The following ZNF607 variants were observed in gnomAD, a reference collection of about 807,000 sequenced individuals.
The protein encoded by ZNF607 is zinc finger protein 607.
ZNF607 carries 5 observed loss-of-function variants against 12.8 expected under a neutral mutation model. The observed-to-expected ratio is 0.39, with a 90% CI of 0.20 to 0.82. The LOEUF (loss-of-function observed/expected upper bound fraction) is 0.82. ZNF607 is among the 40% of genes least tolerant of loss of function. ZNF607 has a pLI of 0.39. For missense variants in ZNF607, 851 were observed against 859.2 expected (o/e 0.99, Z 0.12); for synonymous variants, 287 against 276.2 (o/e 1.04, Z -0.39).
At chr19:37,702,360 AT>A (rs1456527631) in intron 4 of ZNF607, among the ~76,000 whole-genome samples, 1 of 151,670 alleles carries the variant, frequency 6.6e-6, no homozygotes, top group Non-Finnish European at 1.5e-5. Context: ...AAAAGATATG[AT>A]TGAAATTATA....
intron 4 of ZNF607, among the ~76,000 whole-genome samples, chr19:37,702,861 T>A (rs988280907): frequency 6.6e-6 from 1 of 152,188 alleles, no homozygotes; most frequent in Non-Finnish European, 1.5e-5. Flanking sequence ...ATGTATATTG[T>A]ATACTATAAT....
chr19:37,700,688 A>G (rs1204168740), intron 4 of ZNF607, among the ~76,000 whole-genome samples: 2 of 152,204 alleles, frequency 1.3e-5, no homozygotes, highest in Non-Finnish European at 2.9e-5. Flanking sequence ...AAAATAAGTA[A>G]AAGATCACTA....
At chr19:37,713,920 C>T (rs978960951) in intron 1 of ZNF607, among the ~76,000 whole-genome samples, 4 of 152,058 alleles carry the variant, frequency 2.6e-5, no homozygotes, top group African/African-American at 4.8e-5. Flanking sequence ...TATTATTCTC[C>T]GGACTATGGT....
At chr19:37,704,007 C>T (rs1352382265) in intron 4 of ZNF607, among the ~76,000 whole-genome samples, 2 of 151,838 alleles carry the variant, frequency 1.3e-5, no homozygotes, top group African/African-American at 2.4e-5. Context: ...TGGTGGTATG[C>T]ATCTGTAGTC....
intron 1 of ZNF607, among the ~76,000 whole-genome samples, chr19:37,715,793 TGTGA>T (rs2045171994): frequency 6.6e-6 from 1 of 152,190 alleles, no homozygotes; most frequent in African/African-American, 2.4e-5. Flanking sequence ...CAAACATTTA[TGTGA>T]GTATTTGTAA....
In ZNF607 at chr19:37,697,484, T is replaced by C. The variant is rs1024482998; in HGVS notation, c.*556A>G. 1.5e-6 allele frequency: 1 copy of C among 649,208 alleles called. No individual in the cohort carries two copies. Among genetic ancestry groups the C allele is most frequent in the Admixed American group, 2.1e-5 (1 of 46,938 alleles). The allele number at this position is 649,208 out of a possible 1,614,324, so 40.2% of individuals were successfully genotyped here. On this transcript the variant is annotated 3_prime_UTR_variant, in exon 5 of 5. Transcript: ENST00000355202. ...TCATGTAATTCTAACAGCACTATAC[T>C]GTAGGTACTACTATCATCATTTATA...
chr19:37,708,340 C>T (rs557084976), intron 3 of ZNF607, among the ~76,000 whole-genome samples: 5 of 151,738 alleles, frequency 3.3e-5, no homozygotes, highest in East Asian at 4.0e-4. Context: ...GGATTATAGG[C>T]GTGCACCACC....
Position 37,698,384 on chromosome 19 carries a change from G to A in ZNF607, c.1747C>T (p.His583Tyr), listed in dbSNP as rs2044998513. The part of the protein sequence containing the change: ...ATSLIYHDRT[H>Y]AGEKSYECKE... ...CATTCATAGGACTTTTCACCAGCATGAGTTCGGTCATGATATATGAGGCTT... is the reference window on the plus strand; with the variant it reads ...CATTCATAGGACTTTTCACCAGCATAAGTTCGGTCATGATATATGAGGCTT... The change falls in exon 5 of 5, where the codon CAT becomes TAT. Residue 583 changes from histidine (H) to tyrosine (Y), a missense_variant. Transcript: ENST00000355202. The A allele has an allele frequency of 1.2e-6, 2 of 1,614,114 alleles. No individual in the cohort carries two copies. Among genetic ancestry groups the A allele is most frequent in the East Asian group, 2.2e-5 (1 of 44,886 alleles).
At chr19:37,707,526 T>C (rs113563516) in intron 4 of ZNF607, among the ~76,000 whole-genome samples, 4,829 of 152,084 alleles carry the variant, frequency 0.032, 103 homozygotes, top group Middle Eastern at 0.051. Context: ...TCCCAGCACT[T>C]TGGGAGTCTG....
intron 4 of ZNF607, among the ~76,000 whole-genome samples, chr19:37,706,919 A>G (rs1196660062): frequency 6.6e-6 from 1 of 151,244 alleles, no homozygotes; most frequent in Non-Finnish European, 1.5e-5. Flanking sequence ...TCTGCCTCCA[A>G]GGCTCAAGTG....
Position 37,699,420 on chromosome 19 carries a change from A to G in ZNF607, c.711T>C (p.Tyr237=), listed in dbSNP as rs1302781888. 8 of 1,614,138 alleles carry G rather than the reference A, an allele frequency of 5.0e-6. No homozygotes were observed. The highest frequency in any genetic ancestry group is 5.9e-6 in the Non-Finnish European group (7 of 1,180,006). Residue 237 remains tyrosine (Y), a synonymous_variant, in exon 5 of 5, where the codon TAT becomes TAC. Coordinates refer to ENST00000355202, the MANE Select transcript of ZNF607 (RefSeq NM_032689.5). ...CKECGKAFSV[Y]GRLSRHQSIH... is the part of the protein sequence containing the mutation. Reference sequence around the variant, plus strand: ...TACTCTGATGTCGACTAAGTCGTCCATACACACTAAAGGCCTTGCCACATT... The same window carrying G: ...TACTCTGATGTCGACTAAGTCGTCCGTACACACTAAAGGCCTTGCCACATT...
Position 37,707,924 on chromosome 19 carries a change from T to C in ZNF607, c.225A>G (p.Gly75=). 1 of 1,613,874 alleles carries C rather than the reference T, an allele frequency of 6.2e-7. No individual in the cohort carries two copies. ...CTGACTTGCTCTTACCTGTACACTC[T>C]CCTCTTGTTTCTTCCCTCACAATCA... is the stretch of plus-strand genomic sequence containing the variant. The part of the protein sequence containing the change: ...PWMIVREETR[G]ECTDLDSRCE... The change falls in exon 4 of 5, where the codon GGA becomes GGG. Residue 75 remains glycine, a synonymous_variant. Transcript: ENST00000355202.
chr19:37,713,951 C>T (rs533638273), intron 1 of ZNF607, among the ~76,000 whole-genome samples: 1 of 152,214 alleles, frequency 6.6e-6, no homozygotes, highest in Admixed American at 6.6e-5. Flanking sequence ...GCCATGATTA[C>T]TAAGATTGAT....
rs753791549 is a variant in ZNF607 at position 37,708,003 on chromosome 19, G to A, written c.146C>T (p.Ser49Phe). ...YDNLVSLAGH[S>F]VSKPDLITLL... ...GGTGATTAAATCTGGCTTAGATACG[G>A]AATGTCCTGCTTACAAAGAAAAGAA... Residue 49 changes from serine (S) to phenylalanine (F), a missense_variant, in exon 4 of 5, where the codon TCC (serine) becomes TTC (phenylalanine). Coordinates refer to ENST00000355202, the MANE Select transcript of ZNF607 (RefSeq NM_032689.5). 1.9e-6 allele frequency: 3 copies of A among 1,612,304 alleles called. No homozygotes were observed. In the Admixed American group the frequency reaches 5.0e-5, roughly 27 times the overall value.
chr19:37,697,449 C>T lies in ZNF607; in HGVS notation c.*591G>A. 2 of 758,972 alleles carry T rather than the reference C, an allele frequency of 2.6e-6. No individual in the cohort carries two copies. Among genetic ancestry groups the T allele is most frequent in the South Asian group, 2.9e-5 (2 of 69,338 alleles). The allele number at this position is 758,972 out of a possible 1,614,324, so 47.0% of individuals were successfully genotyped here. ...TCACACCTGCTTCCACTCTGACCTC[C>T]ACATCTAACTCATGTAATTCTAACA... On this transcript the variant is annotated 3_prime_UTR_variant, in exon 5 of 5. Transcript: ENST00000355202.
At chr19:37,713,032 G>T (rs1045855344) in intron 1 of ZNF607, among the ~76,000 whole-genome samples, 3 of 151,810 alleles carry the variant, frequency 2.0e-5, no homozygotes, top group African/African-American at 7.3e-5. Flanking sequence ...AATCTGGCAG[G>T]TAGGTCAGGA....
At position 37,696,761 on chromosome 19, in the gene ZNF607, T is replaced by G. The variant is rs1172585048; in HGVS notation, c.*1279A>C. 1 of 1,316,326 alleles carries G rather than the reference T, an allele frequency of 7.6e-7. No homozygotes were observed. Among genetic ancestry groups the G allele is most frequent in the East Asian group, 2.3e-5 (1 of 43,096 alleles). The allele number at this position is 1,316,326 out of a possible 1,614,324, so 81.5% of individuals were successfully genotyped here. A position where few individuals can be genotyped will look rare whatever the true frequency, so the allele number is the denominator to read the frequency against. On this transcript the variant is annotated 3_prime_UTR_variant, in exon 5 of 5. Transcript: ENST00000355202. ...CCGTCCCCTGCAGTGGCCAGTGAGT[T>G]GGCGATCAGCTCAGCTGCCTTGGAG...
intron 1 of ZNF607, among the ~76,000 whole-genome samples, chr19:37,718,482 G>C (rs924541543): frequency 6.6e-6 from 1 of 152,142 alleles, no homozygotes; most frequent in Non-Finnish European, 1.5e-5. Flanking sequence ...TCAAGGCCGT[G>C]TTTGTTAAAC....
rs886498862 is a variant in ZNF607, at chr19:37,698,001, G to A, written c.*39C>T. 11 of 1,508,326 alleles carry A rather than the reference G, an allele frequency of 7.3e-6. No homozygotes were observed. In the African/African-American group the frequency reaches 1.1e-4, roughly 15 times the overall value. 93.4% of individuals were successfully genotyped at this position (1,508,326 alleles called of 1,614,324 possible). On this transcript the variant is annotated 3_prime_UTR_variant, in exon 5 of 5. Transcript: ENST00000355202. ...AGTGGGATAAATCCATTGACACAAT[G>A]TGCTTTCTTTACTACCTGTATATGC...
Sources: allele counts gnomAD v4.1 joint callset (sites outside exome capture counted in the v4.1 genomes callset), GRCh38; gene constraint gnomAD v4.1.1; transcripts MANE v1.5; gene names NCBI Gene and HGNC (gene_info 2026-07-23, HGNC 2026-07-21).